The following GPC5 variants were observed in gnomAD, a reference collection of about 807,000 sequenced individuals.
The protein encoded by GPC5 is glypican-5.
GPC5 carries 47 observed loss-of-function variants against 53.9 expected under a neutral mutation model. The ratio of observed to expected loss-of-function variants is 0.87; its 90% confidence interval spans 0.69 to 1.11. GPC5 has a LOEUF of 1.11. Among genes scored for constraint, GPC5 ranks in the 50% most tolerant of loss-of-function variants. GPC5 has a pLI of 0.00. For synonymous variants in GPC5, 286 were observed against 263.3 expected (o/e 1.09, Z -0.84); for missense variants, 748 against 713.1 (o/e 1.05, Z -0.56).
At chr13:92,684,358 C>T (rs1887195873) in intron 7 of GPC5, among the ~76,000 whole-genome samples, 1 of 152,098 alleles carries the variant, frequency 6.6e-6, no homozygotes, top group Non-Finnish European at 1.5e-5. Flanking sequence ...ACAACCTCCA[C>T]CTCCTGGGCT....
At chr13:91,991,558 T>A (rs1432741654) in intron 6 of GPC5, among the ~76,000 whole-genome samples, 1 of 137,986 alleles carries the variant, frequency 7.2e-6, no homozygotes, top group Non-Finnish European at 1.5e-5. Flanking sequence ...AAAGGAAGAA[T>A]TTTTTTTTTC....
chr13:91,687,758 A>G (rs1386479856), intron 2 of GPC5, among the ~76,000 whole-genome samples: 1 of 152,026 alleles, frequency 6.6e-6, no homozygotes, highest in South Asian at 2.1e-4. Flanking sequence ...TTTTATTCCT[A>G]ATCTGTTTCT....
At chr13:92,813,545 A>G (rs1046577440) in intron 7 of GPC5, among the ~76,000 whole-genome samples, 1 of 151,986 alleles carries the variant, frequency 6.6e-6, no homozygotes, top group African/African-American at 2.4e-5. Flanking sequence ...ATTTTTAGGA[A>G]TTGTTCAACA....
chr13:92,864,690 A>C (rs1163761055), intron 7 of GPC5, among the ~76,000 whole-genome samples: 12 of 152,082 alleles, frequency 7.9e-5, no homozygotes, highest in African/African-American at 2.9e-4. Flanking sequence ...TAAAAAAGGG[A>C]ATCACTAGTT....
intron 7 of GPC5, among the ~76,000 whole-genome samples, chr13:92,611,364 T>C (rs1884430954): frequency 6.6e-6 from 1 of 152,176 alleles, no homozygotes. Flanking sequence ...CCATACTTTT[T>C]CTTTCCCTTT....
chr13:91,567,595 C>A (rs1448816098), intron 2 of GPC5, among the ~76,000 whole-genome samples: 2 of 152,102 alleles, frequency 1.3e-5, no homozygotes, highest in Non-Finnish European at 2.9e-5. Flanking sequence ...GGGCAGAAAT[C>A]TGAAATCACA....
At chr13:92,150,897 A>C (rs1270378031) in intron 7 of GPC5, among the ~76,000 whole-genome samples, 2 of 152,056 alleles carry the variant, frequency 1.3e-5, no homozygotes, top group African/African-American at 4.8e-5. Context: ...GAAGTAAAAA[A>C]AAAAAAAAAT....
chr13:92,611,634 A>C (rs1394939809), intron 7 of GPC5, among the ~76,000 whole-genome samples: 1 of 152,170 alleles, frequency 6.6e-6, no homozygotes, highest in Non-Finnish European at 1.5e-5. Flanking sequence ...TTTGCAAATG[A>C]CTGTTTAATG....
In GPC5 at chr13:91,647,097, GTGT is replaced by G. The variant is rs2034578835; in HGVS notation, c.326-46089_326-46087del. ...TGTGTGTGTGTGTGTGTGTGTGTGT[GTGT>G]GTGTGTGTGTGTGAAATACATACCT... On this transcript the variant is annotated intron_variant, in intron 2 of 7. Transcript: ENST00000377067. Among the ~76,000 whole-genome samples the G allele has an allele frequency of 1.6e-4, 18 of 114,382 alleles. No individual in the cohort carries two copies. The Admixed American group carries it at 1.7e-3, about 11-fold the overall frequency. The allele number at this position is 114,382 out of a possible 152,430, so 75.0% of individuals were successfully genotyped here.
chr13:92,061,826 G>T (rs2041126523), intron 6 of GPC5, among the ~76,000 whole-genome samples: 1 of 151,902 alleles, frequency 6.6e-6, no homozygotes, highest in African/African-American at 2.4e-5. Flanking sequence ...AAATAAGTCT[G>T]TGGGCCTCAT....
At chr13:92,816,027 A>G (rs535275541) in intron 7 of GPC5, among the ~76,000 whole-genome samples, 28 of 152,016 alleles carry the variant, frequency 1.8e-4, no homozygotes, top group African/African-American at 6.3e-4. Flanking sequence ...TATAAATATA[A>G]TTTGGGAGTC....
intron 7 of GPC5, among the ~76,000 whole-genome samples, chr13:92,848,569 G>T (rs1029039660): frequency 1.3e-5 from 2 of 152,016 alleles, no homozygotes; most frequent in Admixed American, 6.6e-5. Flanking sequence ...AAGTAGATGG[G>T]ATCAATATAT....
At chr13:92,725,236 G>A (rs1008987977) in intron 7 of GPC5, among the ~76,000 whole-genome samples, 3 of 151,406 alleles carry the variant, frequency 2.0e-5, no homozygotes, top group African/African-American at 7.3e-5. Context: ...CTGGAATTGT[G>A]ATTGTCTCAT....
At chr13:92,196,933 A>T (rs2042260702) in intron 7 of GPC5, among the ~76,000 whole-genome samples, 1 of 152,206 alleles carries the variant, frequency 6.6e-6, no homozygotes, top group South Asian at 2.1e-4. Flanking sequence ...TTAAAATAAT[A>T]TTTATTTGGG....
chr13:92,821,804 T>A (rs1194690919), intron 7 of GPC5, among the ~76,000 whole-genome samples: 1 of 152,126 alleles, frequency 6.6e-6, no homozygotes, highest in African/African-American at 2.4e-5. Context: ...CCACCTTAGA[T>A]ACATGTTCCT....
chr13:92,219,210 C>G (rs1478875781), intron 7 of GPC5, among the ~76,000 whole-genome samples: 1 of 152,100 alleles, frequency 6.6e-6, no homozygotes, highest in Non-Finnish European at 1.5e-5. Context: ...CTTACTAGAT[C>G]AGAGGCAAAG....
chr13:92,511,527 G>A (rs1203725357), intron 7 of GPC5, among the ~76,000 whole-genome samples: 1 of 152,006 alleles, frequency 6.6e-6, no homozygotes, highest in Non-Finnish European at 1.5e-5. Flanking sequence ...CTGTCATTTA[G>A]CCTGCAAAAA....
chr13:92,550,715 T>C (rs1882283092), intron 7 of GPC5, among the ~76,000 whole-genome samples: 1 of 151,920 alleles, frequency 6.6e-6, no homozygotes, highest in South Asian at 2.1e-4. Flanking sequence ...TTCTTTTTTA[T>C]GTAAAAACTA....
At chr13:91,693,081 T>C (rs1230036832) in intron 2 of GPC5, 106 bp from the exon 3 acceptor site, 2 of 805,030 alleles carry the variant, frequency 2.5e-6, no homozygotes, top group Non-Finnish European at 3.9e-6. Context: ...AGTTACAATT[T>C]AGATACTTAG....
Sources: allele counts gnomAD v4.1 joint callset (sites outside exome capture counted in the v4.1 genomes callset), GRCh38; gene constraint gnomAD v4.1.1; transcripts MANE v1.5; gene names NCBI Gene and HGNC (gene_info 2026-07-23, HGNC 2026-07-21).